MGLL: variants seen among roughly 807,000 people sequenced by gnomAD.
MGLL encodes lysophospholipase homolog.
Under a neutral mutation model 29.1 loss-of-function variants are expected in MGLL, and 7 were observed. The ratio of observed to expected loss-of-function variants is 0.24; its 90% CI spans 0.14 to 0.45. MGLL has a LOEUF of 0.45. Among genes scored for constraint, MGLL ranks in the 20% least tolerant of loss-of-function variants. The pLI is 0.99. For synonymous variants in MGLL, 148 were observed against 168.3 expected, an observed-to-expected ratio of 0.88 and a Z score of 0.93; for missense variants, 356 against 413.6, an observed-to-expected ratio of 0.86 and a Z score of 1.21.
chr3:127,760,168 T>A (rs766370810), intron 3 of MGLL, among the ~76,000 whole-genome samples: 1 of 152,088 alleles, frequency 6.6e-6, no homozygotes, highest in Non-Finnish European at 1.5e-5. Flanking sequence ...TATGGGACAT[T>A]GAGTTTGTGT....
intron 6 of MGLL, among the ~76,000 whole-genome samples, chr3:127,696,385 C>T (rs1008190325): frequency 1.4e-5 from 2 of 139,404 alleles, no homozygotes; most frequent in Non-Finnish European, 3.1e-5. Flanking sequence ...AGGAGTGAGC[C>T]CCTGATGCTT....
At chr3:127,730,445 C>A (rs777786445) in intron 3 of MGLL, among the ~76,000 whole-genome samples, 12 of 152,230 alleles carry the variant, frequency 7.9e-5, no homozygotes, top group Non-Finnish European at 1.3e-4. Flanking sequence ...CATACGCACA[C>A]GTTCCTGCCC....
intron 6 of MGLL, among the ~76,000 whole-genome samples, chr3:127,707,597 T>C (rs2075627819): frequency 6.6e-6 from 1 of 152,260 alleles, no homozygotes; most frequent in Admixed American, 6.5e-5. Context: ...AGCTGTGTTC[T>C]TGGGCAAGTG....
intron 2 of MGLL, among the ~76,000 whole-genome samples, chr3:127,815,760 C>G (rs2077743833): frequency 6.6e-6 from 1 of 152,252 alleles, no homozygotes; most frequent in African/African-American, 2.4e-5. Context: ...GCACCTCTGT[C>G]TAATTTGCAC....
At chr3:127,772,435 G>A (rs1021637011) in intron 3 of MGLL, among the ~76,000 whole-genome samples, 1 of 152,242 alleles carries the variant, frequency 6.6e-6, no homozygotes, top group African/African-American at 2.4e-5. Flanking sequence ...GCCAAGGTCT[G>A]TCTCTCTAAA....
intron 2 of MGLL, among the ~76,000 whole-genome samples, chr3:127,797,214 AG>A (rs1321281806): frequency 3.3e-5 from 5 of 152,116 alleles, no homozygotes; most frequent in African/African-American, 1.2e-4. Context: ...ATCCCTCTGC[AG>A]AGGGTGTATC....
At chr3:127,709,091 T>A (rs1487057652) in intron 6 of MGLL, among the ~76,000 whole-genome samples, 2 of 152,230 alleles carry the variant, frequency 1.3e-5, no homozygotes, top group East Asian at 3.8e-4. Context: ...CAGGATTAAA[T>A]CAAACAGTGT....
At position 127,692,115 on chromosome 3, in the gene MGLL, T is replaced by TTTTTAA; in HGVS notation, c.*82_*83insTTAAAA. On this transcript the variant is annotated 3_prime_UTR_variant, in exon 8 of 8. Transcript: ENST00000265052. ...TCTGATTTTTTTTTTTTTTTTTTTT[T>TTTTTAA]GGCAAGCCATATCTGAGAAGCCATC... The TTTTTAA allele has an allele frequency of 2.2e-5, 11 of 492,142 alleles. No homozygotes were observed. The highest frequency in any genetic ancestry group is 7.6e-4 in the Middle Eastern group (1 of 1,314). The allele number at this position is 492,142 out of a possible 1,614,324, so 30.5% of individuals were successfully genotyped here. A position where few individuals can be genotyped will look rare whatever the true frequency, so the allele number is the denominator to read the frequency against.
intron 3 of MGLL, among the ~76,000 whole-genome samples, chr3:127,740,305 C>T (rs1045946852): frequency 5.9e-5 from 9 of 152,170 alleles, no homozygotes; most frequent in South Asian, 4.1e-4. Context: ...AGCTGAAACG[C>T]GGTCCTTGTT....
chr3:127,696,396 C>CTT (rs545853423), intron 6 of MGLL, among the ~76,000 whole-genome samples: 1,812 of 49,368 alleles, frequency 0.037, 445 homozygotes, highest in Non-Finnish European at 0.046. Flanking sequence ...CCTGATGCTT[C>CTT]TTTTTTTTTT....
intron 6 of MGLL, among the ~76,000 whole-genome samples, chr3:127,707,395 C>T (rs766484914): frequency 6.6e-5 from 10 of 152,336 alleles, no homozygotes; most frequent in Non-Finnish European, 1.5e-4. Context: ...TTTAGAATCA[C>T]GTTCAAGGCT....
intron 3 of MGLL, among the ~76,000 whole-genome samples, chr3:127,754,904 G>T (rs748129339): frequency 4.6e-5 from 7 of 152,310 alleles, no homozygotes; most frequent in Non-Finnish European, 7.3e-5. Flanking sequence ...AGGCTCTTTA[G>T]AGGGAAGCGT....
Position 127,736,168 on chromosome 3 carries a change from TC to T in MGLL, c.263-13603del. 3 of 1,056,004 alleles carry T rather than the reference TC, an allele frequency of 2.8e-6. No individual in the cohort carries two copies. In the South Asian group the frequency reaches 1.4e-4, roughly 49 times the overall value. The allele number at this position is 1,056,004 out of a possible 1,614,324, so 65.4% of individuals were successfully genotyped here. On this transcript the variant is annotated intron_variant, in intron 3 of 7. Coordinates refer to ENST00000265052, the MANE Select transcript of MGLL (RefSeq NM_007283.7). ...GTACAGACACCTGGCAACCCAAGTT[TC>T]ACTTCTGCTGAAATTATTGTTAAGT...
At chr3:127,697,237 G>A (rs1293045148) in intron 6 of MGLL, among the ~76,000 whole-genome samples, 1 of 152,236 alleles carries the variant, frequency 6.6e-6, no homozygotes, top group Non-Finnish European at 1.5e-5. Flanking sequence ...GGGAAGGAGG[G>A]CTGTAGGGCC....
chr3:127,752,798 G>A (rs35585592), intron 3 of MGLL, among the ~76,000 whole-genome samples: 5 of 152,024 alleles, frequency 3.3e-5, no homozygotes, highest in Non-Finnish European at 5.9e-5. Flanking sequence ...ACCTCCCACC[G>A]CTCTCAGGCT....
chr3:127,794,723 T>C (rs145049618), intron 2 of MGLL, among the ~76,000 whole-genome samples: 227 of 152,380 alleles, frequency 1.5e-3, no homozygotes, highest in African/African-American at 5.0e-3. Context: ...TCTTCTATGA[T>C]GTAAGACTCT....
Position 127,750,408 on chromosome 3 carries a change from G to A in MGLL, c.263-27842C>T, listed in dbSNP as rs532406313. On this transcript the variant is annotated intron_variant, in intron 3 of 7. Coordinates refer to ENST00000265052, the MANE Select transcript of MGLL (RefSeq NM_007283.7). ...CAAGGAGACGGTCTCCACATCTCCC[G>A]TCACGCTTCAAAGGCTGCACTCTCA... Among the ~76,000 whole-genome samples, 14 of 152,246 alleles carry A rather than the reference G, an allele frequency of 9.2e-5. No homozygotes were observed. The South Asian group carries it at 1.5e-3, about 16-fold the overall frequency.
intron 3 of MGLL, among the ~76,000 whole-genome samples, chr3:127,728,605 T>C (rs2076090374): frequency 6.6e-6 from 1 of 152,190 alleles, no homozygotes; most frequent in Admixed American, 6.5e-5. Context: ...TGAACCATAG[T>C]TTTTTCAAGC....
chr3:127,765,735 G>C (rs1296409320), intron 3 of MGLL, among the ~76,000 whole-genome samples: 1 of 152,264 alleles, frequency 6.6e-6, no homozygotes, highest in Admixed American at 6.5e-5. Flanking sequence ...ATGAAGAAGA[G>C]TGTTCCCGCA....
Sources: gnomAD v4.1 joint callset for allele counts (sites outside exome capture counted in the v4.1 genomes callset) on GRCh38, gnomAD v4.1.1 for gene constraint, MANE v1.5 for transcripts, NCBI Gene and HGNC (gene_info 2026-07-23, HGNC 2026-07-21) for gene names.